Variants in SEC63 observed in about 807,000 individuals in gnomAD.
The protein encoded by SEC63 is SEC63 protein translocation regulator, also known as translocation protein SEC63 homolog.
In SEC63, 56 loss-of-function variants were observed where a neutral mutation model predicts 116.2. That is an observed-to-expected ratio of 0.48 (90% CI 0.39 to 0.60). The LOEUF is 0.60. Among genes scored for constraint, SEC63 ranks in the 20% least tolerant of loss-of-function variants. The probability of loss-of-function intolerance (pLI) is 0.00; values close to 1 mark genes in which losing one functional copy is unlikely to be tolerated. For missense variants in SEC63, 668 were observed against 900.0 expected (o/e 0.74, Z 3.30); for synonymous variants, 273 against 294.6 (o/e 0.93, Z 0.75).
intron 1 of SEC63, chr6:107,954,482 CAAAAA>C (rs4028832): frequency 1.7e-5 from 2 of 116,870 alleles, no homozygotes; most frequent in African/African-American, 6.7e-5. Flanking sequence ...AAAAAAAAAT[CAAAAA>C]AAAAAAAAAA....
At chr6:107,917,058 C>T (rs929433405) in intron 4 of SEC63, among the ~76,000 whole-genome samples, 7 of 152,154 alleles carry the variant, frequency 4.6e-5, no homozygotes, top group African/African-American at 1.4e-4. Context: ...GTGGGTTTAC[C>T]GGAATGAGGG....
chr6:107,880,880 CA>C (rs1185929638), intron 18 of SEC63: 4 of 391,340 alleles, frequency 1.0e-5, no homozygotes, highest in Non-Finnish European at 1.9e-5. Flanking sequence ...CACCATTACA[CA>C]TAACACTCAG....
chr6:107,874,318 G>T (rs1413145435), intron 19 of SEC63, among the ~76,000 whole-genome samples: 2 of 152,122 alleles, frequency 1.3e-5, no homozygotes, highest in African/African-American at 4.8e-5. Context: ...AAGGAAGCCG[G>T]GCACGGTGGC....
chr6:107,933,532 T>C (rs1371264778), intron 1 of SEC63, among the ~76,000 whole-genome samples: 1 of 152,162 alleles, frequency 6.6e-6, no homozygotes, highest in East Asian at 1.9e-4. Flanking sequence ...ACAACCTGAC[T>C]CTAATAATGA....
At position 107,912,715 on chromosome 6, in the gene SEC63, C is replaced by A; in HGVS notation, c.573+1G>T. 1 of 1,597,454 alleles carries A rather than the reference C, an allele frequency of 6.3e-7. No homozygotes were observed. On this transcript the variant is annotated splice_donor_variant, in intron 6 of 20. Transcript: ENST00000369002. LOFTEE classifies it high-confidence loss of function. ...AATGTATCTTATTTAAATGCACTCACCAGAATTGAGTTTTTCTGGTCAACT... is the reference window on the plus strand; with the variant it reads ...AATGTATCTTATTTAAATGCACTCAACAGAATTGAGTTTTTCTGGTCAACT...
intron 4 of SEC63, among the ~76,000 whole-genome samples, 165 bp from the exon 5 acceptor site, chr6:107,913,592 A>G (rs1464776339): frequency 1.3e-5 from 2 of 152,208 alleles, no homozygotes; most frequent in African/African-American, 4.8e-5. Flanking sequence ...AGGGAGGAGC[A>G]AGAAATGCGC....
At chr6:107,943,859 G>C (rs1269792002) in intron 1 of SEC63, among the ~76,000 whole-genome samples, 1 of 152,226 alleles carries the variant, frequency 6.6e-6, no homozygotes, top group Non-Finnish European at 1.5e-5. Flanking sequence ...TAAGACTTGA[G>C]CTTCTAGTCA....
chr6:107,949,239 A>C (rs1173570394), intron 1 of SEC63, among the ~76,000 whole-genome samples: 2 of 152,240 alleles, frequency 1.3e-5, no homozygotes, highest in Non-Finnish European at 2.9e-5. Context: ...AAAGGAGCAG[A>C]GTTTTTATAT....
At chr6:107,936,647 T>C (rs1431403204) in intron 1 of SEC63, among the ~76,000 whole-genome samples, 4 of 152,220 alleles carry the variant, frequency 2.6e-5, no homozygotes, top group African/African-American at 9.6e-5. Flanking sequence ...GAACTTTATA[T>C]AGTAAAGCTG....
chr6:107,919,303 C>G (rs1434245085), intron 4 of SEC63, among the ~76,000 whole-genome samples: 2 of 152,170 alleles, frequency 1.3e-5, no homozygotes, highest in African/African-American at 4.8e-5. Context: ...AGCAGGAGAA[C>G]TAAACAAGTG....
chr6:107,905,749 T>TA (rs1787134764), intron 10 of SEC63, among the ~76,000 whole-genome samples: 1 of 152,144 alleles, frequency 6.6e-6, no homozygotes, highest in Admixed American at 6.5e-5. Flanking sequence ...CAAAGTCCTT[T>TA]AAAAAAATTA....
chr6:107,945,873 T>C (rs560981551), intron 1 of SEC63, among the ~76,000 whole-genome samples: 2 of 152,306 alleles, frequency 1.3e-5, no homozygotes, highest in South Asian at 4.1e-4. Flanking sequence ...CAACAAGATG[T>C]TTAAATAAAA....
At chr6:107,904,791 C>G (rs1255506195) in intron 10 of SEC63, 70 bp from the exon 11 acceptor site, 20 of 1,100,628 alleles carry the variant, frequency 1.8e-5, no homozygotes, top group Non-Finnish European at 2.5e-5. Context: ...ATCACTGTGG[C>G]CCAAAACTAA....
chr6:107,898,861 A>C (rs1786927468), intron 13 of SEC63, among the ~76,000 whole-genome samples: 2 of 152,138 alleles, frequency 1.3e-5, no homozygotes, highest in Admixed American at 1.3e-4. Context: ...CTGGTCTGGC[A>C]TTTACTAACA....
intron 1 of SEC63, among the ~76,000 whole-genome samples, chr6:107,955,085 C>G (rs1770684471): frequency 6.6e-6 from 1 of 152,220 alleles, no homozygotes; most frequent in Non-Finnish European, 1.5e-5. Context: ...ACACAGGGCT[C>G]TGAAGCTAAG....
At chr6:107,882,456 T>C (rs1786434122) in intron 17 of SEC63, among the ~76,000 whole-genome samples, 1 of 152,190 alleles carries the variant, frequency 6.6e-6, no homozygotes, top group African/African-American at 2.4e-5. Flanking sequence ...ACCATATTAA[T>C]AAATTCTGTA....
intron 1 of SEC63, among the ~76,000 whole-genome samples, chr6:107,937,379 G>A (rs931990089): frequency 6.6e-6 from 1 of 152,224 alleles, no homozygotes; most frequent in East Asian, 1.9e-4. Context: ...ACCTGCCTCG[G>A]CCTCCCAAAG....
chr6:107,912,996 T>A (rs554764051), intron 5 of SEC63, among the ~76,000 whole-genome samples: 1 of 152,310 alleles, frequency 6.6e-6, no homozygotes, highest in South Asian at 2.1e-4. Flanking sequence ...AGAAACCCTG[T>A]AAGTACAAAT....
intron 4 of SEC63, among the ~76,000 whole-genome samples, chr6:107,919,183 T>C (rs534334420): frequency 2.6e-5 from 4 of 152,082 alleles, no homozygotes; most frequent in Non-Finnish European, 5.9e-5. Flanking sequence ...AGTGCTGGGA[T>C]TACAGGCATG....
Sources: allele counts gnomAD v4.1 joint callset (sites outside exome capture counted in the v4.1 genomes callset), GRCh38; gene constraint gnomAD v4.1.1; transcripts MANE v1.5; gene names NCBI Gene and HGNC (gene_info 2026-07-23, HGNC 2026-07-21).